CDH18: variants seen among roughly 807,000 people sequenced by gnomAD.
CDH18 encodes the protein cadherin 18, also known as cadherin-18.
In CDH18, 31 loss-of-function variants were observed where a neutral mutation model predicts 67.9. The observed-to-expected ratio is 0.46, with a 90% CI of 0.34 to 0.62. CDH18 has a LOEUF of 0.62. Ranked by LOEUF, CDH18 falls within the 20% of genes least tolerant of loss-of-function variation. The pLI is 0.01. For missense variants in CDH18, 890 were observed against 975.5 expected (o/e 0.91, Z 1.17); for synonymous variants, 362 against 347.2 (o/e 1.04, Z -0.48).
At chr5:20,363,477 CAAAA>C (rs1187140017) in intron 1 of CDH18, among the ~76,000 whole-genome samples, 21 of 101,314 alleles carry the variant, frequency 2.1e-4, no homozygotes, top group African/African-American at 7.1e-4. Context: ...GACTCCGTAT[CAAAA>C]AAAAAAAAAA....
chr5:19,615,387 A>G (rs1749662250), intron 5 of CDH18, among the ~76,000 whole-genome samples: 1 of 152,166 alleles, frequency 6.6e-6, no homozygotes, highest in Non-Finnish European at 1.5e-5. Flanking sequence ...TAAATAGACT[A>G]TATTTAGAGC....
intron 1 of CDH18, among the ~76,000 whole-genome samples, chr5:20,523,905 AAGAG>A (rs201729892): frequency 6.6e-6 from 1 of 152,194 alleles, no homozygotes; most frequent in East Asian, 1.9e-4. Flanking sequence ...GTACATGAGA[AAGAG>A]AGAGACAGGA....
chr5:20,516,303 G>A (rs1231779076), intron 1 of CDH18, among the ~76,000 whole-genome samples: 1 of 151,832 alleles, frequency 6.6e-6, no homozygotes, highest in East Asian at 1.9e-4. Flanking sequence ...GAGAACAAGA[G>A]GTTTAGAGAA....
intron 11 of CDH18, 144 bp downstream of exon 11, chr5:19,502,848 T>C: frequency 2.9e-6 from 2 of 695,330 alleles, no homozygotes; most frequent in Non-Finnish European, 2.6e-6. Flanking sequence ...ACACAAGCTA[T>C]TCACAGATCA....
At chr5:20,494,012 G>A (rs60906614) in intron 1 of CDH18, among the ~76,000 whole-genome samples, 5,053 of 151,112 alleles carry the variant, frequency 0.033, 278 homozygotes, top group African/African-American at 0.11. Context: ...GGGAGATCAA[G>A]GTGGGTGGAT....
At chr5:20,524,564 A>G (rs1755931959) in intron 1 of CDH18, among the ~76,000 whole-genome samples, 1 of 152,104 alleles carries the variant, frequency 6.6e-6, no homozygotes, top group Admixed American at 6.6e-5. Context: ...TTATTGTTAA[A>G]TTTTTTGTTC....
chr5:20,563,257 A>C (rs935443343), intron 1 of CDH18, among the ~76,000 whole-genome samples: 4 of 152,130 alleles, frequency 2.6e-5, no homozygotes, highest in Non-Finnish European at 4.4e-5. Flanking sequence ...ATGTTGACAT[A>C]TGTGAGAGCT....
intron 1 of CDH18, among the ~76,000 whole-genome samples, chr5:20,385,469 T>C (rs528759153): frequency 6.6e-6 from 1 of 152,290 alleles, no homozygotes; most frequent in African/African-American, 2.4e-5. Flanking sequence ...TGTGACTTCT[T>C]CAGGCTAACC....
At chr5:20,016,101 G>A (rs907925948) in intron 2 of CDH18, among the ~76,000 whole-genome samples, 2 of 151,994 alleles carry the variant, frequency 1.3e-5, no homozygotes, top group Non-Finnish European at 2.9e-5. Context: ...CAAAAATGTG[G>A]TACTTATACA....
chr5:19,554,320 ACAAAAC>A (rs759635946), intron 8 of CDH18, among the ~76,000 whole-genome samples: 3 of 152,286 alleles, frequency 2.0e-5, no homozygotes, highest in Middle Eastern at 3.4e-3. Context: ...TAGAAATGCT[ACAAAAC>A]CTTATTAGAA....
chr5:20,379,442 A>C (rs113157286), intron 1 of CDH18, among the ~76,000 whole-genome samples: 1 of 152,198 alleles, frequency 6.6e-6, no homozygotes, highest in Non-Finnish European at 1.5e-5. Flanking sequence ...CAGTCACAAC[A>C]GAATATTACG....
At chr5:19,742,981 C>T (rs1334824251) in intron 4 of CDH18, among the ~76,000 whole-genome samples, 1 of 152,032 alleles carries the variant, frequency 6.6e-6, no homozygotes, top group Non-Finnish European at 1.5e-5. Flanking sequence ...ATATTTAGAA[C>T]CACTTATTCC....
chr5:19,730,239 C>T (rs1276912137), intron 4 of CDH18, among the ~76,000 whole-genome samples: 1 of 152,078 alleles, frequency 6.6e-6, no homozygotes, highest in African/African-American at 2.4e-5. Context: ...ATTTTTGTAA[C>T]TTGTTCTCAA....
intron 10 of CDH18, among the ~76,000 whole-genome samples, chr5:19,504,764 G>C (rs988112491): frequency 1.3e-5 from 2 of 151,940 alleles, no homozygotes; most frequent in Non-Finnish European, 2.9e-5. Flanking sequence ...TGATTCTCCA[G>C]TGTGTGACCC....
intron 1 of CDH18, among the ~76,000 whole-genome samples, chr5:20,569,140 C>T (rs548635300): frequency 7.9e-5 from 12 of 152,242 alleles, no homozygotes; most frequent in Middle Eastern, 3.4e-3. Context: ...GGGATGGCTA[C>T]GAGTCGTGTA....
chr5:20,381,017 G>T (rs1011893034), intron 1 of CDH18, among the ~76,000 whole-genome samples: 1 of 152,054 alleles, frequency 6.6e-6, no homozygotes, highest in Non-Finnish European at 1.5e-5. Flanking sequence ...GGTTCTTAGG[G>T]TGATCCCTAA....
intron 5 of CDH18, among the ~76,000 whole-genome samples, chr5:19,655,606 A>T (rs1034627477): frequency 4.6e-5 from 7 of 152,036 alleles, no homozygotes; most frequent in African/African-American, 1.7e-4. Flanking sequence ...TAGTAAACTA[A>T]CTCTGCGTAT....
rs573634535 is a variant in CDH18 at position 19,826,798 on chromosome 5, T to C, written c.228+11961A>G. Reference sequence around the variant, plus strand: ...AAAAACACACTAAGTGCATAGATCATTGACACTATAAAGCAACTACACAAT... The same window carrying C: ...AAAAACACACTAAGTGCATAGATCACTGACACTATAAAGCAACTACACAAT... On this transcript the variant is annotated intron_variant, in intron 3 of 12. Coordinates refer to ENST00000382275, the MANE Select transcript of CDH18 (RefSeq NM_004934.5). Among the ~76,000 whole-genome samples, 199 of 152,204 alleles carry C rather than the reference T, an allele frequency of 1.3e-3. 1 individual carries two copies. Among genetic ancestry groups the C allele is most frequent in the Non-Finnish European group, 2.6e-3 (178 of 68,006 alleles).
chr5:20,482,005 C>A (rs1752840805), intron 1 of CDH18, among the ~76,000 whole-genome samples: 1 of 151,194 alleles, frequency 6.6e-6, no homozygotes, highest in South Asian at 2.1e-4. Flanking sequence ...ATCAATAAAA[C>A]AAAAATTTAT....
Sources: allele counts gnomAD v4.1 joint callset (sites outside exome capture counted in the v4.1 genomes callset), GRCh38; gene constraint gnomAD v4.1.1; transcripts MANE v1.5; gene names NCBI Gene and HGNC (gene_info 2026-07-23, HGNC 2026-07-21).